ANKIB1: variants seen among roughly 807,000 people sequenced by gnomAD.
The protein encoded by ANKIB1 is ankyrin repeat and IBR domain-containing protein 1.
In ANKIB1, 43 loss-of-function variants were observed where a neutral mutation model predicts 122.1. The ratio of observed to expected loss-of-function variants is 0.35; its 90% CI spans 0.28 to 0.45. ANKIB1 has a LOEUF of 0.45. Ranked by LOEUF, ANKIB1 falls within the 20% of genes least tolerant of loss-of-function variation. The pLI is 1.00. For synonymous variants in ANKIB1, 390 were observed against 442.0 expected (o/e 0.88, Z 1.48); for missense variants, 992 against 1,329.5 (o/e 0.75, Z 3.95).
Position 92,314,334 on chromosome 7 carries a change from G to A in ANKIB1, c.487-4996G>A, listed in dbSNP as rs373536837. ...AAGAAAAAGAATTTTTAATCGGAGA[G>A]TGATATTATGAAAGCAAATATGATG... On this transcript the variant is annotated intron_variant, in intron 3 of 19. Transcript: ENST00000265742. 2.6e-5 allele frequency among the ~76,000 whole-genome samples: 4 copies of A among 152,172 alleles called. 1 individual carries two copies.
Position 92,396,207 on chromosome 7 carries a change from T to G in ANKIB1, c.2284-158T>G. On this transcript the variant is annotated intron_variant, in intron 17 of 19. Coordinates refer to ENST00000265742, the MANE Select transcript of ANKIB1 (RefSeq NM_019004.2). ...CTTTTTCCATTTTACCTTTTGTGTT[T>G]CCTTGGCATGGCAAAACCTGATGTT... is the stretch of plus-strand genomic sequence containing the variant. 6 of 616,688 alleles carry G rather than the reference T, an allele frequency of 9.7e-6. 1 individual carries two copies. In the South Asian group the frequency reaches 1.1e-4, roughly 11 times the overall value. 38.2% of individuals were successfully genotyped at this position (616,688 alleles called of 1,614,324 possible).
chr7:92,372,895 T>G (rs1269884149), intron 11 of ANKIB1, among the ~76,000 whole-genome samples: 1 of 152,154 alleles, frequency 6.6e-6, no homozygotes, highest in Non-Finnish European at 1.5e-5. Flanking sequence ...TGTATTTTTT[T>G]TTCTAGTTTA....
At chr7:92,370,827 G>A (rs1804229802) in intron 10 of ANKIB1, among the ~76,000 whole-genome samples, 1 of 139,464 alleles carries the variant, frequency 7.2e-6, no homozygotes, top group Non-Finnish European at 1.6e-5. Context: ...TGAAGGAACT[G>A]GGGAGATAAG....
chr7:92,366,321 C>T (rs1804082628), intron 10 of ANKIB1, among the ~76,000 whole-genome samples: 1 of 152,136 alleles, frequency 6.6e-6, no homozygotes, highest in African/African-American at 2.4e-5. Flanking sequence ...TACTCATCTC[C>T]TTGTGTGCAC....
At chr7:92,279,880 AC>A (rs1358991023) in intron 1 of ANKIB1, among the ~76,000 whole-genome samples, 11 of 152,338 alleles carry the variant, frequency 7.2e-5, no homozygotes, top group African/African-American at 2.6e-4. Context: ...AAACAAGCAC[AC>A]ACACACACAT....
At chr7:92,272,742 G>A (rs745616366) in intron 1 of ANKIB1, among the ~76,000 whole-genome samples, 4 of 152,156 alleles carry the variant, frequency 2.6e-5, no homozygotes, top group Non-Finnish European at 5.9e-5. Flanking sequence ...GAATATGGTC[G>A]TGTGTCACTT....
At chr7:92,371,740 G>C (rs1469544504) in intron 11 of ANKIB1, 133 bp downstream of exon 11, 1 of 1,024,112 alleles carries the variant, frequency 9.8e-7, no homozygotes, top group African/African-American at 1.6e-5. Context: ...CACTTCAGGA[G>C]GTTGAGGCAG....
At chr7:92,350,005 TA>T (rs147124525) in intron 7 of ANKIB1, among the ~76,000 whole-genome samples, 363 of 130,144 alleles carry the variant, frequency 2.8e-3, no homozygotes, top group Middle Eastern at 4.0e-3. Context: ...GACCCCATCT[TA>T]AAAAAAAAAA....
chr7:92,357,122 A>T (rs2115582955), intron 9 of ANKIB1, among the ~76,000 whole-genome samples: 1 of 152,344 alleles, frequency 6.6e-6, no homozygotes. Flanking sequence ...ATAGTCATGC[A>T]GCCAGTTGTA....
chr7:92,389,899 A>G (rs1804749174), intron 14 of ANKIB1, 72 bp from the exon 15 acceptor site: 1 of 1,452,048 alleles, frequency 6.9e-7, no homozygotes, highest in Non-Finnish European at 9.2e-7. Flanking sequence ...GAGAAAAAAA[A>G]TCATTGTTTA....
intron 3 of ANKIB1, among the ~76,000 whole-genome samples, chr7:92,313,219 A>G (rs558922158): frequency 6.8e-4 from 103 of 152,290 alleles, no homozygotes; most frequent in African/African-American, 2.3e-3. Flanking sequence ...TGTCAGATCA[A>G]ATAGAGGTCA....
chr7:92,310,068 CA>C (rs1201813358), intron 3 of ANKIB1, among the ~76,000 whole-genome samples: 2 of 149,378 alleles, frequency 1.3e-5, no homozygotes, highest in South Asian at 2.1e-4. Context: ...TTAAATTTTT[CA>C]AAAAATTGAG....
Position 92,398,268 on chromosome 7 carries a change from A to G in ANKIB1, c.2589A>G (p.Ser863=). 2.5e-6 allele frequency: 4 copies of G among 1,613,554 alleles called. No homozygotes were observed. The highest frequency in any genetic ancestry group is 3.4e-6 in the Non-Finnish European group (4 of 1,179,720). Residue 863 remains serine, a synonymous_variant, in exon 20 of 20, where the codon TCA becomes TCG. Transcript: ENST00000265742. ...DPNILLAIQL[S]LQESGLALDE... ...ATATACTTCTTGCAATACAGTTATC[A>G]CTGCAAGAGTCTGGGCTGGCCCTCG... is the stretch of plus-strand genomic sequence containing the variant.
chr7:92,386,474 T>A (rs371134894), intron 11 of ANKIB1, 35 bp from the exon 12 acceptor site: 465 of 1,548,502 alleles, frequency 3.0e-4, no homozygotes, highest in Non-Finnish European at 4.0e-4. Flanking sequence ...CATATTAATA[T>A]GGGGAGATGT....
intron 2 of ANKIB1, among the ~76,000 whole-genome samples, chr7:92,305,834 T>G (rs183840172): frequency 7.9e-5 from 12 of 152,236 alleles, no homozygotes; most frequent in Admixed American, 3.9e-4. Context: ...AAATTATGGC[T>G]GAATAGAGGT....
At position 92,346,964 on chromosome 7, in the gene ANKIB1, G is replaced by C. The variant is rs151317456; in HGVS notation, c.1085+1898G>C. Among the ~76,000 whole-genome samples, 1,182 of 152,190 alleles carry C rather than the reference G, an allele frequency of 7.8e-3. 6 individuals are homozygous for C. Among genetic ancestry groups the C allele is most frequent in the Non-Finnish European group, 0.012 (810 of 67,996 alleles). On this transcript the variant is annotated intron_variant, in intron 7 of 19. Coordinates refer to ENST00000265742, the MANE Select transcript of ANKIB1 (RefSeq NM_019004.2). Reference sequence around the variant, plus strand: ...TCTCCTTTCCACCCCTTCCAATTTTGTCAAATCAAGCACCAATAAAAGAAG... The same window carrying C: ...TCTCCTTTCCACCCCTTCCAATTTTCTCAAATCAAGCACCAATAAAAGAAG...
chr7:92,272,258 T>C (rs746691622), intron 1 of ANKIB1, among the ~76,000 whole-genome samples: 83 of 152,064 alleles, frequency 5.5e-4, no homozygotes, highest in Non-Finnish European at 9.7e-4. Context: ...TGGAGATCCA[T>C]GGGAAGATAA....
intron 9 of ANKIB1, among the ~76,000 whole-genome samples, chr7:92,360,905 C>G (rs1347635830): frequency 6.6e-6 from 1 of 151,936 alleles, no homozygotes; most frequent in Non-Finnish European, 1.5e-5. Context: ...TGCTCTGTTG[C>G]CTAGGCTGGA....
At chr7:92,305,891 T>G (rs1161998655) in intron 2 of ANKIB1, among the ~76,000 whole-genome samples, 4 of 152,174 alleles carry the variant, frequency 2.6e-5, no homozygotes, top group African/African-American at 9.7e-5. Context: ...GTATTTACAT[T>G]TGCAGGGAAT....
Sources: allele counts gnomAD v4.1 joint callset (sites outside exome capture counted in the v4.1 genomes callset), GRCh38; gene constraint gnomAD v4.1.1; transcripts MANE v1.5; gene names NCBI Gene and HGNC (gene_info 2026-07-23, HGNC 2026-07-21).